Variants in CCDC191 observed in about 807,000 individuals in gnomAD.
The protein encoded by CCDC191 is coiled-coil domain-containing protein 191.
In CCDC191, 99 loss-of-function variants were observed where a neutral mutation model predicts 114.0. The observed-to-expected ratio is 0.87, with a 90% confidence interval of 0.74 to 1.03. The LOEUF (loss-of-function observed/expected upper bound fraction) is 1.03, where lower values mean the gene tolerates loss of function less well. Among genes scored for constraint, CCDC191 ranks in the 50% least tolerant of loss-of-function variants. The pLI, the probability that CCDC191 is intolerant of heterozygous loss-of-function variation, is 0.00. For missense variants in CCDC191, 973 were observed against 1,087.0 expected (o/e 0.90, Z 1.47); for synonymous variants, 351 against 376.0 (o/e 0.93, Z 0.77).
At position 114,056,431 on chromosome 3, in the gene CCDC191, C is replaced by A. The variant is rs146204297; in HGVS notation, c.36G>T (p.Lys12Asn). The A allele has an allele frequency of 1.2e-6, 2 of 1,614,056 alleles. No homozygotes were observed. The highest frequency in any genetic ancestry group is 1.3e-5 in the African/African-American group (1 of 74,920). The change falls in exon 1 of 17, where the codon AAG becomes AAT. Residue 12 changes from lysine (K) to asparagine (N), a missense_variant. Coordinates refer to ENST00000295878, the MANE Select transcript of CCDC191 (RefSeq NM_020817.2). The stretch of plus-strand genomic sequence containing the variant: ...TCCAGCGATTCAGCCCCATCCTTTT[C>A]TTTGAGAAGGACCTTCCCTGAGGCG... ...LLAPQGRSFS[K>N]KRMGLNRWKR...
chr3:113,965,681 C>G (rs1211133899), intron 16 of CCDC191, among the ~76,000 whole-genome samples: 1 of 152,164 alleles, frequency 6.6e-6, no homozygotes, highest in Non-Finnish European at 1.5e-5. Flanking sequence ...CCTCTGCCTC[C>G]TGGGTTCAAA....
intron 16 of CCDC191, among the ~76,000 whole-genome samples, chr3:113,974,298 T>C (rs887993212): frequency 5.3e-5 from 8 of 151,614 alleles, no homozygotes; most frequent in African/African-American, 1.5e-4. Context: ...TTTGGGAAGG[T>C]CATGGTTCCC....
At chr3:114,004,842 T>C (rs2075921725) in intron 10 of CCDC191, 96 bp from the exon 11 acceptor site, 1 of 1,278,620 alleles carries the variant, frequency 7.8e-7, no homozygotes, top group Non-Finnish European at 1.1e-6. Flanking sequence ...CAGACCTTAA[T>C]GAATCCCTAC....
At chr3:113,973,761 C>T (rs564986869) in intron 16 of CCDC191, among the ~76,000 whole-genome samples, 4 of 152,006 alleles carry the variant, frequency 2.6e-5, no homozygotes, top group South Asian at 2.1e-4. Flanking sequence ...TTGTCCTTGA[C>T]GTTTGAGAGT....
At chr3:113,973,766 G>T (rs2107581758) in intron 16 of CCDC191, among the ~76,000 whole-genome samples, 1 of 152,006 alleles carries the variant, frequency 6.6e-6, no homozygotes, top group Middle Eastern at 3.4e-3. Context: ...CTTGACGTTT[G>T]AGAGTTTAGG....
intron 13 of CCDC191, among the ~76,000 whole-genome samples, chr3:114,001,142 GTTCA>G (rs1284499400): frequency 6.6e-6 from 1 of 151,936 alleles, no homozygotes. Context: ...TCTTCCATTT[GTTCA>G]TTCATTTATT....
chr3:114,037,325 A>C (rs1379914282), intron 4 of CCDC191, among the ~76,000 whole-genome samples: 1 of 152,148 alleles, frequency 6.6e-6, no homozygotes, highest in East Asian at 1.9e-4. Flanking sequence ...CTGTGCTCCA[A>C]GTAAGCACAG....
At chr3:114,012,976 G>A (rs556362287) in intron 8 of CCDC191, among the ~76,000 whole-genome samples, 9 of 152,314 alleles carry the variant, frequency 5.9e-5, no homozygotes, top group Admixed American at 5.2e-4. Flanking sequence ...TTGGCCAGGC[G>A]CAGTGGCTGA....
At chr3:114,035,299 C>A in intron 5 of CCDC191, 151 bp from the exon 6 acceptor site, 1 of 617,014 alleles carries the variant, frequency 1.6e-6, no homozygotes, top group South Asian at 2.0e-5. Flanking sequence ...AGGAGGAATT[C>A]ATCTGTTTAC....
At position 113,990,538 on chromosome 3, in the gene CCDC191, C is replaced by T. The variant is rs565635088; in HGVS notation, c.2164-9745G>A. ...GCTCAGGTGATGGGTGCACCTAAAC[C>T]TCACAAATCCCCACCAAAGAATTTA... On this transcript the variant is annotated intron_variant, in intron 13 of 16. Transcript: ENST00000295878. Among the ~76,000 whole-genome samples, 6 of 151,812 alleles carry T rather than the reference C, an allele frequency of 4.0e-5. No homozygotes were observed. In the South Asian group the frequency reaches 1.2e-3, roughly 32 times the overall value.
intron 8 of CCDC191, among the ~76,000 whole-genome samples, chr3:114,012,347 T>C (rs966838513): frequency 6.6e-6 from 1 of 152,184 alleles, no homozygotes; most frequent in Non-Finnish European, 1.5e-5. Flanking sequence ...GCTAACAGCA[T>C]ATTTCATTAT....
chr3:113,973,851 T>G lies in CCDC191; in HGVS notation c.2606+4335A>C, dbSNP rs148915392. Among the ~76,000 whole-genome samples, 381 of 152,076 alleles carry G rather than the reference T, an allele frequency of 2.5e-3. 5 individuals are homozygous for G. The highest frequency in any genetic ancestry group is 8.1e-3 in the African/African-American group (334 of 41,488). On this transcript the variant is annotated intron_variant, in intron 16 of 16. Coordinates refer to ENST00000295878, the MANE Select transcript of CCDC191 (RefSeq NM_020817.2). ...TCAAGTTTTGGAAAGTTTCCTATTT[T>G]TATTTCTTTGGATAAGCTTTCTACC...
intron 2 of CCDC191, among the ~76,000 whole-genome samples, chr3:114,052,179 T>C (rs771597082): frequency 4.6e-5 from 7 of 152,106 alleles, no homozygotes; most frequent in South Asian, 2.1e-4. Context: ...TAAAGACTTA[T>C]TGGTTTTTTT....
intron 16 of CCDC191, among the ~76,000 whole-genome samples, chr3:113,976,687 T>C (rs1238554570): frequency 6.6e-6 from 1 of 151,756 alleles, no homozygotes; most frequent in Non-Finnish European, 1.5e-5. Context: ...AGCAGTGCAT[T>C]GAGTGAGTTA....
intron 12 of CCDC191, among the ~76,000 whole-genome samples, chr3:114,002,086 G>T (rs113126104): frequency 1.2e-3 from 186 of 152,248 alleles, no homozygotes; most frequent in African/African-American, 4.3e-3. Flanking sequence ...TTTCTTGGTA[G>T]TTACAAAATT....
chr3:114,047,910 G>A (rs2076651443), intron 2 of CCDC191, among the ~76,000 whole-genome samples: 1 of 152,104 alleles, frequency 6.6e-6, no homozygotes. Flanking sequence ...GGGAGGCAGA[G>A]GTTGCAGTGA....
chr3:114,007,605 G>C (rs1360186262), intron 9 of CCDC191, among the ~76,000 whole-genome samples: 1 of 152,128 alleles, frequency 6.6e-6, no homozygotes, highest in Admixed American at 6.6e-5. Flanking sequence ...TGAGTAAAGC[G>C]ACAGGGTTTC....
At chr3:113,970,234 T>A (rs1577306120) in intron 16 of CCDC191, among the ~76,000 whole-genome samples, 1 of 152,218 alleles carries the variant, frequency 6.6e-6, no homozygotes, top group Non-Finnish European at 1.5e-5. Context: ...GTTTGTCAGA[T>A]CTAACAGTTT....
Position 113,964,830 on chromosome 3 carries a change from G to A in CCDC191, c.*325C>T, listed in dbSNP as rs1046434746. ...ATCAGCAACTCCTGTCGTGCTATACGGACACATTTTCTTCACAGGCTCAGT... is the reference window on the plus strand; with the variant it reads ...ATCAGCAACTCCTGTCGTGCTATACAGACACATTTTCTTCACAGGCTCAGT... On this transcript the variant is annotated 3_prime_UTR_variant, in exon 17 of 17. Coordinates refer to ENST00000295878, the MANE Select transcript of CCDC191 (RefSeq NM_020817.2). The A allele has an allele frequency of 1.0e-4, 17 of 168,504 alleles. No homozygotes were observed. Among genetic ancestry groups the A allele is most frequent in the African/African-American group, 1.7e-4 (7 of 42,124 alleles). The allele number at this position is 168,504 out of a possible 1,614,324, so 10.4% of individuals were successfully genotyped here. A position where few individuals can be genotyped will look rare whatever the true frequency, so the allele number is the denominator to read the frequency against.
Sources: allele counts gnomAD v4.1 joint callset (sites outside exome capture counted in the v4.1 genomes callset), GRCh38; gene constraint gnomAD v4.1.1; transcripts MANE v1.5; gene names NCBI Gene and HGNC (gene_info 2026-07-23, HGNC 2026-07-21).